Variants in MAD2L1 observed in about 807,000 individuals in gnomAD.
The protein encoded by MAD2L1 is mitotic spindle assembly checkpoint protein MAD2A.
MAD2L1 carries 10 observed loss-of-function variants against 25.9 expected under a neutral mutation model. That is an observed-to-expected ratio of 0.39 (90% CI 0.24 to 0.66). The LOEUF (loss-of-function observed/expected upper bound fraction) is 0.66, where lower values mean the gene tolerates loss of function less well. Among genes scored for constraint, MAD2L1 ranks in the 30% least tolerant of loss-of-function variants. The pLI is 0.49. For synonymous variants in MAD2L1, 81 were observed against 91.8 expected, an observed-to-expected ratio of 0.88 and a Z score of 0.67; for missense variants, 180 against 246.4, an observed-to-expected ratio of 0.73 and a Z score of 1.80.
At chr4:120,063,808 G>A (rs941686311) in intron 2 of MAD2L1, among the ~76,000 whole-genome samples, 7 of 152,070 alleles carry the variant, frequency 4.6e-5, no homozygotes, top group African/African-American at 1.7e-4. Context: ...TCAGGAGTTC[G>A]ACACCAGCCT....
At chr4:120,065,861 A>AT in intron 1 of MAD2L1, 43 bp from the exon 2 acceptor site, 2 of 1,594,852 alleles carry the variant, frequency 1.3e-6, no homozygotes, top group Admixed American at 1.7e-5. Flanking sequence ...TTATCCCTGC[A>AT]TAACTCTGGA....
rs78047690 is a variant in MAD2L1 at position 120,060,921 on chromosome 4, C to T, written c.398G>A (p.Arg133Lys). 1 of 1,611,510 alleles carries T rather than the reference C, an allele frequency of 6.2e-7. No homozygotes were observed. Among genetic ancestry groups the T allele is most frequent in the African/African-American group, 1.3e-5 (1 of 74,846 alleles). The change falls in exon 4 of 5, where the codon AGA (arginine) becomes AAA (lysine). Residue 133 changes from arginine to lysine, a missense_variant. Coordinates refer to ENST00000296509, the MANE Select transcript of MAD2L1 (RefSeq NM_002358.4). ...AAATGTCACCGTAGCTGTGATCTGT[C>T]TGATCACTGAACGGATTTCATCCTG... is the stretch of plus-strand genomic sequence containing the variant. ...AIQDEIRSVI[R>K]QITATVTFLP... is the part of the protein sequence containing the mutation.
rs1164595920 is a variant in MAD2L1, at chr4:120,066,662, AG to A, written c.72del (p.Ser25HisfsTer31). 1.9e-6 allele frequency: 3 copies of A among 1,603,130 alleles called. No homozygotes were observed. The highest frequency in any genetic ancestry group is 1.7e-6 in the Non-Finnish European group (2 of 1,172,466). On this transcript the variant is annotated frameshift_variant and splice_region_variant, in exon 1 of 5. Transcript: ENST00000296509. LOFTEE classifies it high-confidence loss of function. The stretch of plus-strand genomic sequence containing the variant: ...TATATTGGCCTGCGCGAGAACTTAC[AG>A]AAGAACTCGGCCACGATTTCGGCGC... ...RGSAEIVAEF[F>X]SFGINSILYQ...
chr4:120,065,939 G>T, intron 1 of MAD2L1, 121 bp from the exon 2 acceptor site: 1 of 933,248 alleles, frequency 1.1e-6, no homozygotes, highest in Non-Finnish European at 1.6e-6. Flanking sequence ...CTGAACACAC[G>T]TGTATCTTGC....
chr4:120,061,128 A>G (rs1726210330), intron 3 of MAD2L1, 151 bp from the exon 4 acceptor site: 1 of 554,668 alleles, frequency 1.8e-6, no homozygotes, highest in Non-Finnish European at 3.3e-6. Flanking sequence ...AATGTGAGTG[A>G]AAGTATCCTT....
intron 3 of MAD2L1, 101 bp from the exon 4 acceptor site, chr4:120,061,078 C>A: frequency 3.0e-6 from 2 of 672,626 alleles, no homozygotes; most frequent in South Asian, 1.9e-5. Flanking sequence ...CTCTCAACAT[C>A]AAATAAGCAG....
In MAD2L1 at chr4:120,065,695, T is replaced by C; in HGVS notation, c.197A>G (p.Asn66Ser). ...ACCTTTCAGTTGTTCCACCACATTA[T>C]TTAGGTATTTTATGAGCTCAAGATC... is the stretch of plus-strand genomic sequence containing the variant. Reference protein sequence around the residue: ...TTDLELIKYLNNVVEQLKDWL... With the variant: ...TTDLELIKYLSNVVEQLKDWL... Residue 66 changes from asparagine to serine, a missense_variant, in exon 2 of 5, where the codon AAT becomes AGT. Physicochemically the swap from Asn to Ser is conservative, Grantham distance 46. Coordinates refer to ENST00000296509, the MANE Select transcript of MAD2L1 (RefSeq NM_002358.4). 4 of 1,613,676 alleles carry C rather than the reference T, an allele frequency of 2.5e-6. No homozygotes were observed. Among genetic ancestry groups the C allele is most frequent in the Non-Finnish European group, 3.4e-6 (4 of 1,179,856 alleles).
intron 2 of MAD2L1, 110 bp from the exon 3 acceptor site, chr4:120,062,205 G>C: frequency 2.1e-6 from 2 of 948,750 alleles, no homozygotes; most frequent in South Asian, 3.9e-5. Context: ...CTGCTATCTG[G>C]GACCTCCTCC....
At chr4:120,061,155 T>G (rs1726210711) in intron 3 of MAD2L1, 178 bp from the exon 4 acceptor site, 2 of 489,136 alleles carry the variant, frequency 4.1e-6, no homozygotes, top group Non-Finnish European at 7.4e-6. Context: ...TACAACCTAG[T>G]AGGCACAACA....
intron 3 of MAD2L1, 63 bp downstream of exon 3, chr4:120,061,912 A>T: frequency 7.9e-7 from 1 of 1,273,568 alleles, no homozygotes; most frequent in Non-Finnish European, 1.1e-6. Context: ...GAACTCAATT[A>T]GTAATAAAAA....
rs1477963827 is a variant in MAD2L1, at chr4:120,057,191, AAGC to A, written c.*2924_*2926del. On this transcript the variant is annotated 3_prime_UTR_variant, in exon 5 of 5. Transcript: ENST00000296509. ...GGTGCAAGAGACCATATGCCTTCAA[AAGC>A]AGAACTATTTACTACCTGGCCATTT... The A allele has an allele frequency of 6.6e-6, 1 of 152,092 alleles. No homozygotes were observed. Among genetic ancestry groups the A allele is most frequent in the African/African-American group, 2.4e-5 (1 of 41,404 alleles). 9.4% of individuals were successfully genotyped at this position (152,092 alleles called of 1,614,324 possible). A position where few individuals can be genotyped will look rare whatever the true frequency, so the allele number is the denominator to read the frequency against.
intron 2 of MAD2L1, among the ~76,000 whole-genome samples, chr4:120,062,636 A>AAACG (rs1388359631): frequency 6.6e-6 from 1 of 152,212 alleles, no homozygotes; most frequent in Non-Finnish European, 1.5e-5. Context: ...ACAAACAAAC[A>AAACG]AAATAAAACA....
At chr4:120,064,450 C>T (rs1245306727) in intron 2 of MAD2L1, among the ~76,000 whole-genome samples, 1 of 152,116 alleles carries the variant, frequency 6.6e-6, no homozygotes, top group African/African-American at 2.4e-5. Flanking sequence ...GCACATCTGG[C>T]AATATAATAC....
Position 120,060,807 on chromosome 4 carries a change from GA to G in MAD2L1, c.445+66del, listed in dbSNP as rs1578459617. The stretch of plus-strand genomic sequence containing the variant: ...ATAAGACAAAATTTAATAAAGGGGT[GA>G]TTACGGCAGTAGCTTAGTCTTTTTG... On this transcript the variant is annotated intron_variant, in intron 4 of 4. Coordinates refer to ENST00000296509, the MANE Select transcript of MAD2L1 (RefSeq NM_002358.4). The G allele has an allele frequency of 1.9e-5, 18 of 936,256 alleles. No individual in the cohort carries two copies. In the East Asian group the frequency reaches 4.4e-4, roughly 23 times the overall value. The allele number at this position is 936,256 out of a possible 1,614,324, so 58.0% of individuals were successfully genotyped here.
In MAD2L1 at chr4:120,058,844, T is replaced by C. The variant is rs571506209; in HGVS notation, c.*1274A>G. ...ATTTGCTCAATATGTAATTTCTGAATGAACAGATTCAGACTATGTGCAATT... is the reference window on the plus strand; with the variant it reads ...ATTTGCTCAATATGTAATTTCTGAACGAACAGATTCAGACTATGTGCAATT... On this transcript the variant is annotated 3_prime_UTR_variant, in exon 5 of 5. Coordinates refer to ENST00000296509, the MANE Select transcript of MAD2L1 (RefSeq NM_002358.4). 9 of 152,332 alleles carry C rather than the reference T, an allele frequency of 5.9e-5. No homozygotes were observed. Among genetic ancestry groups the C allele is most frequent in the African/African-American group, 2.2e-4 (9 of 41,576 alleles). The allele number at this position is 152,332 out of a possible 1,614,324, so 9.4% of individuals were successfully genotyped here.
chr4:120,056,203 C>T lies in MAD2L1; in HGVS notation c.*3915G>A, dbSNP rs989457717. 3.9e-5 allele frequency: 6 copies of T among 152,240 alleles called. No individual in the cohort carries two copies. The East Asian group carries it at 5.8e-4, about 15-fold the overall frequency. 9.4% of individuals were successfully genotyped at this position (152,240 alleles called of 1,614,324 possible). ...AGAGACCACTAAACTTCAAAAACCA[C>T]GACACAATTTGCATGCCCATTGACC... On this transcript the variant is annotated 3_prime_UTR_variant, in exon 5 of 5. Transcript: ENST00000296509.
In MAD2L1 at chr4:120,060,206, T is replaced by C. The variant is rs1454875841; in HGVS notation, c.530A>G (p.Asn177Ser). The stretch of plus-strand genomic sequence containing the variant: ...TGAACGAAGGCGGACTTCCTCAGAA[T>C]TGGTAATAAACTGTGGTCCCGACTC... Reference protein sequence around the residue: ...WEESGPQFITNSEEVRLRSFT... With the variant: ...WEESGPQFITSSEEVRLRSFT... Residue 177 changes from asparagine (N) to serine (S), a missense_variant, in exon 5 of 5, where the codon AAT (asparagine) becomes AGT (serine). Physicochemically the swap from Asn to Ser is conservative, Grantham distance 46. Transcript: ENST00000296509. The C allele has an allele frequency of 3.7e-6, 6 of 1,612,818 alleles. No individual in the cohort carries two copies. In the African/African-American group the frequency reaches 5.3e-5, roughly 14 times the overall value.
At chr4:120,065,471 C>T (rs1219901925) in intron 2 of MAD2L1, 1 of 484,836 alleles carries the variant, frequency 2.1e-6, no homozygotes, top group Non-Finnish European at 3.7e-6. Context: ...TATCAGATTT[C>T]TAACATCAAA....
rs538637470 is a variant in MAD2L1, at chr4:120,066,792, C to T, written c.-58G>A. 5 of 1,279,468 alleles carry T rather than the reference C, an allele frequency of 3.9e-6. No homozygotes were observed. The highest frequency in any genetic ancestry group is 2.4e-5 in the East Asian group (1 of 41,574). The allele number at this position is 1,279,468 out of a possible 1,614,324, so 79.3% of individuals were successfully genotyped here. On this transcript the variant is annotated 5_prime_UTR_variant, in exon 1 of 5. Transcript: ENST00000296509. ...ACTCCGCGGACAGCAACCACAGCGG[C>T]TCCAACAGCACTTCCCCGCCAAGCG...
Sources: gnomAD v4.1 joint callset for allele counts (sites outside exome capture counted in the v4.1 genomes callset) on GRCh38, gnomAD v4.1.1 for gene constraint, MANE v1.5 for transcripts, NCBI Gene and HGNC (gene_info 2026-07-23, HGNC 2026-07-21) for gene names.